Variants in PARVA observed in about 807,000 individuals in gnomAD.
PARVA encodes the protein alpha-parvin.
Under a neutral mutation model 52.6 loss-of-function variants are expected in PARVA, and 25 were observed. The ratio of observed to expected loss-of-function variants is 0.48; its 90% CI spans 0.35 to 0.66. The LOEUF is 0.66. Among genes scored for constraint, PARVA ranks in the 30% least tolerant of loss-of-function variants. The pLI is 0.01. For synonymous variants in PARVA, 185 were observed against 179.1 expected (o/e 1.03, Z -0.26); for missense variants, 373 against 450.9 (o/e 0.83, Z 1.56).
At position 12,422,555 on chromosome 11, in the gene PARVA, T is replaced by A. The variant is rs1940165725; in HGVS notation, c.136+44772T>A. The stretch of plus-strand genomic sequence containing the variant: ...GTAGGTAAACAGTTATTTTCATTCA[T>A]GTTTCTTTAATTGTGAGACTGAACA... On this transcript the variant is annotated intron_variant, in intron 1 of 12. Coordinates refer to ENST00000334956, the MANE Select transcript of PARVA (RefSeq NM_018222.5). Among the ~76,000 whole-genome samples, 3 of 151,746 alleles carry A rather than the reference T, an allele frequency of 2.0e-5. No homozygotes were observed. In the South Asian group the frequency reaches 6.3e-4, roughly 32 times the overall value.
chr11:12,395,994 A>G (rs150573407), intron 1 of PARVA, among the ~76,000 whole-genome samples: 10 of 152,348 alleles, frequency 6.6e-5, no homozygotes, highest in African/African-American at 1.9e-4. Flanking sequence ...AGTTGATTCC[A>G]TCTTCAGCAT....
intron 1 of PARVA, among the ~76,000 whole-genome samples, chr11:12,404,164 G>A (rs769570409): frequency 6.6e-6 from 1 of 151,474 alleles, no homozygotes; most frequent in Non-Finnish European, 1.5e-5. Flanking sequence ...GACCTCAGTA[G>A]TATGGCCTAT....
rs772712365 is a variant in PARVA at position 12,517,599 on chromosome 11, T to C, written c.868-11T>C. 3 of 1,575,142 alleles carry C rather than the reference T, an allele frequency of 1.9e-6. No individual in the cohort carries two copies. The highest frequency in any genetic ancestry group is 2.7e-5 in the African/African-American group (2 of 74,232). On this transcript the variant is annotated splice_polypyrimidine_tract_variant and intron_variant, in intron 10 of 12. Transcript: ENST00000334956. Reference sequence around the variant, plus strand: ...TCAGGGGCCAGTGCCATCACCTGGCTCTTCCTCCAGTTTGCAGATGGGGTG... The same window carrying C: ...TCAGGGGCCAGTGCCATCACCTGGCCCTTCCTCCAGTTTGCAGATGGGGTG...
upstream of PARVA, chr11:12,377,335 C>G (rs1208979364): frequency 7.6e-6 from 8 of 1,049,514 alleles, no homozygotes; most frequent in Non-Finnish European, 1.0e-5. Flanking sequence ...TCCGGCTCGA[C>G]CGCTCCCAAC....
rs758610492 is a variant in PARVA at position 12,513,210 on chromosome 11, T to G, written c.737-89T>G. 27 of 1,065,760 alleles carry G rather than the reference T, an allele frequency of 2.5e-5. No homozygotes were observed. In the African/African-American group the frequency reaches 4.2e-4, roughly 17 times the overall value. The allele number at this position is 1,065,760 out of a possible 1,614,324, so 66.0% of individuals were successfully genotyped here. A position where few individuals can be genotyped will look rare whatever the true frequency, so the allele number is the denominator to read the frequency against. On this transcript the variant is annotated intron_variant, in intron 8 of 12. Transcript: ENST00000334956. ...CCCATCGGTAGTTGACCTTGTGACC[T>G]TGAGAGGCGCGTGGCTCTGGGACCC...
At chr11:12,442,289 CA>C (rs1346118438) in intron 1 of PARVA, among the ~76,000 whole-genome samples, 1 of 152,196 alleles carries the variant, frequency 6.6e-6, no homozygotes, top group Non-Finnish European at 1.5e-5. Context: ...ATGGAGATCA[CA>C]ATACCTACTT....
intron 1 of PARVA, among the ~76,000 whole-genome samples, chr11:12,424,474 C>T (rs944139925): frequency 6.6e-6 from 1 of 152,096 alleles, no homozygotes; most frequent in African/African-American, 2.4e-5. Context: ...AGCTAATAGC[C>T]ACTTCTGGCT....
At chr11:12,475,549 G>A (rs879397848) in intron 3 of PARVA, among the ~76,000 whole-genome samples, 1 of 152,164 alleles carries the variant, frequency 6.6e-6, no homozygotes, top group Non-Finnish European at 1.5e-5. Context: ...AGGAAGGGTG[G>A]GTGGATGAAT....
At chr11:12,430,764 A>C (rs576879049) in intron 1 of PARVA, among the ~76,000 whole-genome samples, 2 of 152,344 alleles carry the variant, frequency 1.3e-5, no homozygotes, top group South Asian at 4.1e-4. Flanking sequence ...TCACTTGGGC[A>C]GCTGTCAAAT....
At chr11:12,475,195 G>A (rs369778716) in intron 3 of PARVA, among the ~76,000 whole-genome samples, 2 of 152,162 alleles carry the variant, frequency 1.3e-5, no homozygotes, top group Non-Finnish European at 1.5e-5. Context: ...TGCTCCCAGC[G>A]CTCCCCACCG....
intron 4 of PARVA, among the ~76,000 whole-genome samples, chr11:12,488,972 C>T (rs879692683): frequency 1.3e-5 from 2 of 152,094 alleles, no homozygotes; most frequent in Non-Finnish European, 2.9e-5. Flanking sequence ...ACCATGAGCA[C>T]TGTCAACAGA....
intron 1 of PARVA, among the ~76,000 whole-genome samples, chr11:12,457,481 TCAGAAC>T (rs1232954487): frequency 1.3e-5 from 2 of 152,182 alleles, no homozygotes; most frequent in Non-Finnish European, 2.9e-5. Context: ...ACCCCTCCTC[TCAGAAC>T]CAGCACTTGC....
chr11:12,500,353 T>A (rs1341731824), intron 5 of PARVA, among the ~76,000 whole-genome samples: 1 of 152,184 alleles, frequency 6.6e-6, no homozygotes, highest in Non-Finnish European at 1.5e-5. Flanking sequence ...CATGTTGGCC[T>A]CAGCTTCTGT....
chr11:12,381,942 G>A (rs573971979), intron 1 of PARVA, among the ~76,000 whole-genome samples: 1 of 152,168 alleles, frequency 6.6e-6, no homozygotes, highest in African/African-American at 2.4e-5. Context: ...GAGTCCCATG[G>A]TGTTAGTCAA....
At chr11:12,523,297 G>C (rs944626754) in intron 12 of PARVA, among the ~76,000 whole-genome samples, 14 of 152,158 alleles carry the variant, frequency 9.2e-5, no homozygotes, top group African/African-American at 3.4e-4. Flanking sequence ...CTGGGGGCTA[G>C]AGCATAAGTA....
rs532801141 is a variant in PARVA, at chr11:12,411,844, C to T, written c.136+34061C>T. 6.5e-4 allele frequency among the ~76,000 whole-genome samples: 99 copies of T among 152,258 alleles called. 1 individual carries two copies. Among genetic ancestry groups the T allele is most frequent in the Admixed American group, 1.2e-3 (19 of 15,302 alleles). ...AGTCTACACTCCCTGGTGTGACCTA[C>T]GAGGTCTTCTCACTCCAAGCCCTGC... On this transcript the variant is annotated intron_variant, in intron 1 of 12. Coordinates refer to ENST00000334956, the MANE Select transcript of PARVA (RefSeq NM_018222.5).
At position 12,500,337 on chromosome 11, in the gene PARVA, C is replaced by T. The variant is rs148659401; in HGVS notation, c.541+3739C>T. ...CATATGTTCCCTCCTGACTTGACTG[C>T]GGGCACATGTTGGCCTCAGCTTCTG... On this transcript the variant is annotated intron_variant, in intron 5 of 12. Coordinates refer to ENST00000334956, the MANE Select transcript of PARVA (RefSeq NM_018222.5). Among the ~76,000 whole-genome samples, 9 of 152,182 alleles carry T rather than the reference C, an allele frequency of 5.9e-5. No individual in the cohort carries two copies. The East Asian group carries it at 1.4e-3, about 23-fold the overall frequency.
chr11:12,430,922 G>A (rs1016142627), intron 1 of PARVA, among the ~76,000 whole-genome samples: 3 of 152,126 alleles, frequency 2.0e-5, no homozygotes, highest in Non-Finnish European at 2.9e-5. Context: ...AATCGCAAAA[G>A]CACAAGCTTT....
intron 1 of PARVA, among the ~76,000 whole-genome samples, chr11:12,437,637 G>A (rs776935480): frequency 4.6e-5 from 7 of 152,196 alleles, no homozygotes; most frequent in Non-Finnish European, 1.0e-4. Flanking sequence ...ATATAGGGAT[G>A]ATGCTATGTT....
Sources: allele counts gnomAD v4.1 joint callset (sites outside exome capture counted in the v4.1 genomes callset), GRCh38; gene constraint gnomAD v4.1.1; transcripts MANE v1.5; gene names NCBI Gene and HGNC (gene_info 2026-07-23, HGNC 2026-07-21).